The following ABCC2 variants were observed in gnomAD, a reference collection of about 807,000 sequenced individuals.
ABCC2 encodes ATP binding cassette subfamily C member 2.
A neutral mutation model predicts 173.4 loss-of-function variants in ABCC2; 157 were observed. That is an observed-to-expected ratio of 0.91 (90% CI 0.80 to 1.03). ABCC2 has a LOEUF of 1.03. Among genes scored for constraint, ABCC2 ranks in the 50% least tolerant of loss-of-function variants. ABCC2 has a pLI of 0.00. For missense variants in ABCC2, 1,822 were observed against 1,852.3 expected (o/e 0.98, Z 0.30); for synonymous variants, 657 against 693.5 (o/e 0.95, Z 0.83).
intron 16 of ABCC2, among the ~76,000 whole-genome samples, chr10:99,814,286 C>CACACACGTATGTATACACACATGTATAT (rs1564684272): frequency 1.7e-4 from 12 of 72,216 alleles, no homozygotes; most frequent in African/African-American, 4.6e-4. Flanking sequence ...CGTATGTATA[C>CACACACGTATGTATACACACATGTATAT]ACACACGTAT....
Position 99,804,133 on chromosome 10 carries a change from T to C in ABCC2, c.1324T>C (p.Trp442Arg), listed in dbSNP as rs536569226. The C allele has an allele frequency of 6.2e-7, 1 of 1,614,194 alleles. No individual in the cohort carries two copies. Among genetic ancestry groups the C allele is most frequent in the Admixed American group, 1.7e-5 (1 of 60,024 alleles). ...MDVTNFMHMLWSSVLQIVLSI... is the reference protein window; with the variant it reads ...MDVTNFMHMLRSSVLQIVLSI... ...TGTGACCAACTTCATGCACATGCTGTGGTCAAGTGTTCTACAGATTGTCTT... is the reference window on the plus strand; with the variant it reads ...TGTGACCAACTTCATGCACATGCTGCGGTCAAGTGTTCTACAGATTGTCTT... The change falls in exon 10 of 32, where the codon TGG becomes CGG. Residue 442 changes from tryptophan (W) to arginine (R), a missense_variant. By Grantham distance (101) the Trp-to-Arg change is moderately radical. Transcript: ENST00000647814.
In ABCC2 at chr10:99,814,672, C is replaced by T. The variant is rs138415591; in HGVS notation, c.2094+1528C>T. On this transcript the variant is annotated intron_variant, in intron 16 of 31. Coordinates refer to ENST00000647814, the MANE Select transcript of ABCC2 (RefSeq NM_000392.5). ...ATACACACACATATGTGTATATACA[C>T]ATATACACACACGTGTATATACACA... 6.9e-4 allele frequency among the ~76,000 whole-genome samples: 86 copies of T among 124,220 alleles called. 2 individuals are homozygous for T. Among genetic ancestry groups the T allele is most frequent in the African/African-American group, 3.0e-3 (80 of 26,660 alleles). 81.5% of individuals were successfully genotyped at this position (124,220 alleles called of 152,430 possible).
In ABCC2 at chr10:99,831,681, C is replaced by T. The variant is rs1438672389; in HGVS notation, c.2954C>T (p.Ala985Val). 8.1e-6 allele frequency: 13 copies of T among 1,614,134 alleles called. No individual in the cohort carries two copies. Among genetic ancestry groups the T allele is most frequent in the East Asian group, 6.7e-5 (3 of 44,884 alleles). ...TTTTCGATATTCTTCATCATCCTTG[C>T]GTTTGTGATGAATTCTGTGGCTTTT... ...GLFSIFFIIL[A>V]FVMNSVAFIG... Residue 985 changes from alanine to valine, a missense_variant, in exon 22 of 32, where the codon GCG (alanine) becomes GTG (valine). Transcript: ENST00000647814.
Position 99,850,776 on chromosome 10 carries a change from C to T in ABCC2, c.4488C>T (p.His1496=), listed in dbSNP as rs8187707. ...CTVITIAHRL[H]TIMDSDKVMV... ...TGATCACCATCGCCCACAGGCTGCA[C>T]ACCATCATGGACAGTGACAAGTGAG... Residue 1496 remains histidine, a synonymous_variant, in exon 31 of 32, where the codon CAC becomes CAT. Coordinates refer to ENST00000647814, the MANE Select transcript of ABCC2 (RefSeq NM_000392.5). 83,665 of 1,614,080 alleles carry T rather than the reference C, an allele frequency of 0.052. 2,515 individuals carry two copies. The highest frequency in any genetic ancestry group is 0.13 in the Middle Eastern group (786 of 6,062).
chr10:99,830,008 A>G (rs1307782515), intron 19 of ABCC2, among the ~76,000 whole-genome samples: 4 of 152,176 alleles, frequency 2.6e-5, no homozygotes, highest in Admixed American at 2.0e-4. Flanking sequence ...ATAATCCTTA[A>G]AAGCTCTTTC....
rs1279444678 is a variant in ABCC2 at position 99,782,777 on chromosome 10, C to A, written c.-68C>A. 8 of 1,544,964 alleles carry A rather than the reference C, an allele frequency of 5.2e-6. No individual in the cohort carries two copies. The highest frequency in any genetic ancestry group is 7.2e-6 in the Non-Finnish European group (8 of 1,117,464). On this transcript the variant is annotated 5_prime_UTR_variant, in exon 1 of 32. Transcript: ENST00000647814. ...TCCTGTTCCACTTTCTTTGATGAAA[C>A]AAGTAAAGAAGAAACAACACAATCA...
At position 99,834,408 on chromosome 10, in the gene ABCC2, C is replaced by T. The variant is rs766785942; in HGVS notation, c.3287C>T (p.Pro1096Leu). Residue 1096 changes from proline (P) to leucine (L), a missense_variant, in exon 24 of 32, where the codon CCT becomes CTT. By Grantham distance (98) the Pro-to-Leu change is moderately conservative. Transcript: ENST00000647814. ...ATTTCCACAGTGGATGACACCCTGC[C>T]TCAGTCCTTGCGCAGCTGGATTACA... ...GDISTVDDTL[P>L]QSLRSWITCF... 6.8e-6 allele frequency: 11 copies of T among 1,614,186 alleles called. No individual in the cohort carries two copies. The highest frequency in any genetic ancestry group is 3.3e-4 in the Middle Eastern group (2 of 6,062).
At position 99,810,644 on chromosome 10, in the gene ABCC2, G is replaced by A. The variant is rs928825211; in HGVS notation, c.1900+426G>A. Among the ~76,000 whole-genome samples, 6 of 152,322 alleles carry A rather than the reference G, an allele frequency of 3.9e-5. No individual in the cohort carries two copies. The South Asian group carries it at 1.2e-3, about 32-fold the overall frequency. On this transcript the variant is annotated intron_variant, in intron 14 of 31. Coordinates refer to ENST00000647814, the MANE Select transcript of ABCC2 (RefSeq NM_000392.5). ...TATGGAGGTGGAATTCATACAAGGG[G>A]ACTGGGCAACAGAGGGCCTGAGAGT... is the stretch of plus-strand genomic sequence containing the variant.
chr10:99,787,461 G>GTT (rs2037735902), intron 2 of ABCC2, among the ~76,000 whole-genome samples: 34 of 150,072 alleles, frequency 2.3e-4, no homozygotes, highest in African/African-American at 3.5e-4. Context: ...CTTTTTTTGG[G>GTT]GGGACGGAGT....
intron 3 of ABCC2, among the ~76,000 whole-genome samples, chr10:99,792,989 G>A (rs573517753): frequency 1.5e-4 from 23 of 152,264 alleles, no homozygotes; most frequent in African/African-American, 4.8e-4. Flanking sequence ...CCATGTGCTC[G>A]GCACAATCCT....
At position 99,785,777 on chromosome 10, in the gene ABCC2, C is replaced by T. The variant is rs12252945; in HGVS notation, c.207+996C>T. On this transcript the variant is annotated intron_variant, in intron 2 of 31. Transcript: ENST00000647814. ...AAGTGATCCCTCCTGCCTTGGCCTC[C>T]CAAAGTGCTGCGATTACAAGCCTGA... 3.9e-3 allele frequency among the ~76,000 whole-genome samples: 597 copies of T among 152,108 alleles called. 4 individuals carry two copies. Among genetic ancestry groups the T allele is most frequent in the African/African-American group, 0.014 (562 of 41,484 alleles).
chr10:99,816,393 C>A (rs548090563), intron 16 of ABCC2, among the ~76,000 whole-genome samples: 1 of 150,356 alleles, frequency 6.7e-6, no homozygotes, highest in South Asian at 2.1e-4. Context: ...AAGCGATTCT[C>A]CTGCCTCAGC....
Position 99,784,331 on chromosome 10 carries a change from G to A in ABCC2, c.34-277G>A, listed in dbSNP as rs41286888. 8.0e-3 allele frequency among the ~76,000 whole-genome samples: 1,220 copies of A among 152,286 alleles called. 10 individuals carry two copies. The highest frequency in any genetic ancestry group is 0.013 in the Non-Finnish European group (887 of 68,020). On this transcript the variant is annotated intron_variant, in intron 1 of 31. Coordinates refer to ENST00000647814, the MANE Select transcript of ABCC2 (RefSeq NM_000392.5). ...ATCCTATAATTTGGCAAATGCAGTG[G>A]TGAGGTTTACTCAGAATAGCTGGTA... is the stretch of plus-strand genomic sequence containing the variant.
At chr10:99,841,183 A>C (rs181600554) in intron 25 of ABCC2, among the ~76,000 whole-genome samples, 115 of 152,264 alleles carry the variant, frequency 7.6e-4, no homozygotes, top group Non-Finnish European at 1.4e-3. Context: ...CTTACTTTTT[A>C]ATCTTACACA....
Position 99,852,040 on chromosome 10 carries a change from A to G in ABCC2, c.*409A>G, listed in dbSNP as rs907379886. On this transcript the variant is annotated 3_prime_UTR_variant, in exon 32 of 32. Transcript: ENST00000647814. ...TCTTTTGTTCAATATTATATCTGAG[A>G]TTCATCCATGGTGATGCAAATAGGT... 12 of 174,492 alleles carry G rather than the reference A, an allele frequency of 6.9e-5. No homozygotes were observed. Among genetic ancestry groups the G allele is most frequent in the Non-Finnish European group, 1.2e-5 (1 of 81,622 alleles). The allele number at this position is 174,492 out of a possible 1,614,324, so 10.8% of individuals were successfully genotyped here. A position where few individuals can be genotyped will look rare whatever the true frequency, so the allele number is the denominator to read the frequency against.
intron 15 of ABCC2, among the ~76,000 whole-genome samples, chr10:99,812,024 C>T (rs761059839): frequency 6.6e-6 from 1 of 152,214 alleles, no homozygotes; most frequent in Non-Finnish European, 1.5e-5. Flanking sequence ...GTATCTTCTG[C>T]ACATAGTGTG....
At chr10:99,847,753 A>G (rs564386900) in intron 30 of ABCC2, among the ~76,000 whole-genome samples, 3 of 152,116 alleles carry the variant, frequency 2.0e-5, no homozygotes, top group Non-Finnish European at 4.4e-5. Flanking sequence ...ACCCCGTCTC[A>G]CTAAAAATAC....
intron 2 of ABCC2, among the ~76,000 whole-genome samples, chr10:99,789,815 G>A (rs1813116525): frequency 6.6e-6 from 1 of 151,556 alleles, no homozygotes; most frequent in Non-Finnish European, 1.5e-5. Flanking sequence ...TAAGATTTAA[G>A]TATCTAGGTA....
At chr10:99,805,552 C>G (rs533841072) in intron 11 of ABCC2, 105 bp downstream of exon 11, 1 of 1,177,582 alleles carries the variant, frequency 8.5e-7, no homozygotes, top group Admixed American at 1.7e-5. Context: ...GCTTCTGGGC[C>G]GGTTGTGTCA....
Sources: allele counts gnomAD v4.1 joint callset (sites outside exome capture counted in the v4.1 genomes callset), GRCh38; gene constraint gnomAD v4.1.1; transcripts MANE v1.5; gene names NCBI Gene and HGNC (gene_info 2026-07-23, HGNC 2026-07-21).